KCNQ3: variants seen among roughly 807,000 people sequenced by gnomAD.
KCNQ3 encodes the protein potassium voltage-gated channel subfamily Q member 3, also known as potassium voltage-gated channel subfamily KQT member 3.
Under a neutral mutation model 92.5 loss-of-function variants are expected in KCNQ3, and 30 were observed. The ratio of observed to expected loss-of-function variants is 0.32; its 90% CI spans 0.24 to 0.44. The LOEUF (loss-of-function observed/expected upper bound fraction) is 0.44. KCNQ3 is among the 20% of genes least tolerant of loss of function. KCNQ3 has a pLI of 1.00. For missense variants in KCNQ3, 913 were observed against 1,140.3 expected (o/e 0.80, Z 2.87); for synonymous variants, 450 against 468.8 (o/e 0.96, Z 0.52).
chr8:132,367,382 A>G (rs1390575472), intron 1 of KCNQ3, among the ~76,000 whole-genome samples: 1 of 152,236 alleles, frequency 6.6e-6, no homozygotes, highest in African/African-American at 2.4e-5. Context: ...TAATAAATTA[A>G]GTCATTCACA....
intron 1 of KCNQ3, among the ~76,000 whole-genome samples, chr8:132,472,584 G>A (rs1822320474): frequency 6.6e-6 from 1 of 152,166 alleles, no homozygotes; most frequent in Non-Finnish European, 1.5e-5. Context: ...AGAATAAAAT[G>A]ATAGATACCA....
At chr8:132,159,193 C>T (rs1448766837) in intron 9 of KCNQ3, among the ~76,000 whole-genome samples, 2 of 152,296 alleles carry the variant, frequency 1.3e-5, no homozygotes, top group Non-Finnish European at 2.9e-5. Flanking sequence ...TAACTGTTCA[C>T]GTTCTTTAAT....
intron 1 of KCNQ3, among the ~76,000 whole-genome samples, chr8:132,208,845 C>G (rs1260284373): frequency 6.6e-6 from 1 of 152,128 alleles, no homozygotes; most frequent in Non-Finnish European, 1.5e-5. Flanking sequence ...CCATACCTGG[C>G]ACATAGGAGG....
At chr8:132,335,331 G>A (rs781426107) in intron 1 of KCNQ3, among the ~76,000 whole-genome samples, 26 of 152,070 alleles carry the variant, frequency 1.7e-4, no homozygotes, top group African/African-American at 3.4e-4. Flanking sequence ...GAGTCACCGC[G>A]CCCAGCCCAT....
intron 1 of KCNQ3, among the ~76,000 whole-genome samples, chr8:132,191,883 G>A (rs1009067402): frequency 6.6e-6 from 1 of 152,050 alleles, no homozygotes; most frequent in Non-Finnish European, 1.5e-5. Context: ...GGGTCTTGGG[G>A]TGGGAAGAAA....
At chr8:132,340,748 G>A (rs1563868422) in intron 1 of KCNQ3, among the ~76,000 whole-genome samples, 1 of 152,092 alleles carries the variant, frequency 6.6e-6, no homozygotes, top group African/African-American at 2.4e-5. Context: ...AACAAACCTG[G>A]ACGTTCTGCA....
intron 1 of KCNQ3, among the ~76,000 whole-genome samples, chr8:132,188,479 A>C (rs76983063): frequency 0.029 from 4,486 of 152,316 alleles, 87 homozygotes; most frequent in Non-Finnish European, 0.043. Flanking sequence ...GCGTGTTCTT[A>C]GACAAAATAC....
intron 1 of KCNQ3, among the ~76,000 whole-genome samples, chr8:132,454,526 C>T (rs187639655): frequency 2.6e-5 from 4 of 152,116 alleles, no homozygotes; most frequent in East Asian, 3.9e-4. Flanking sequence ...ATCTGTAAAA[C>T]GAGTACCTCC....
Position 132,182,292 on chromosome 8 carries a change from G to A in KCNQ3, c.604+1949C>T, listed in dbSNP as rs572131051. Reference sequence around the variant, plus strand: ...TGTAGTAAACACTATGGTCTAAGACGCTCCATGAGGCAGTTCTGACCCATC... The same window carrying A: ...TGTAGTAAACACTATGGTCTAAGACACTCCATGAGGCAGTTCTGACCCATC... On this transcript the variant is annotated intron_variant, in intron 3 of 14. Transcript: ENST00000388996. Among the ~76,000 whole-genome samples, 9 of 152,302 alleles carry A rather than the reference G, an allele frequency of 5.9e-5. No individual in the cohort carries two copies. In the South Asian group the frequency reaches 1.2e-3, roughly 21 times the overall value.
At chr8:132,173,752 A>G (rs983033684) in intron 6 of KCNQ3, among the ~76,000 whole-genome samples, 3 of 152,252 alleles carry the variant, frequency 2.0e-5, no homozygotes, top group African/African-American at 7.2e-5. Context: ...ACTCTATCAT[A>G]GGTCAAGGCT....
chr8:132,152,217 A>C (rs1041105541), intron 9 of KCNQ3, among the ~76,000 whole-genome samples: 1 of 152,198 alleles, frequency 6.6e-6, no homozygotes, highest in Non-Finnish European at 1.5e-5. Context: ...AAGAGCTAAA[A>C]TGTTCATGAA....
At chr8:132,138,122 A>G (rs1825166856) in intron 11 of KCNQ3, 106 bp from the exon 12 acceptor site, 4 of 1,343,408 alleles carry the variant, frequency 3.0e-6, no homozygotes, top group Non-Finnish European at 4.2e-6. Flanking sequence ...AACCAAAGAT[A>G]AAAGAGCTTG....
intron 1 of KCNQ3, among the ~76,000 whole-genome samples, chr8:132,221,013 G>A (rs955040812): frequency 6.6e-6 from 1 of 152,058 alleles, no homozygotes; most frequent in African/African-American, 2.4e-5. Context: ...TCCCCACCCT[G>A]TGTCCAAGTG....
chr8:132,480,479 C>T lies in KCNQ3; in HGVS notation c.54G>A (p.Gly18=). The change falls in exon 1 of 15, where the codon GGG becomes GGA. Residue 18 remains glycine, a synonymous_variant. Transcript: ENST00000388996. ...AAGAAGGGGD[G]GGGGGGAANP... is the part of the protein sequence containing the mutation. ...TAGCCGCCCCGCCGCCTCCGCCGCCCCCGTCGCCGCCGCCGCCAGCCGCCC... is the reference window on the plus strand; with the variant it reads ...TAGCCGCCCCGCCGCCTCCGCCGCCTCCGTCGCCGCCGCCGCCAGCCGCCC... 1 of 1,218,780 alleles carries T rather than the reference C, an allele frequency of 8.2e-7. No individual in the cohort carries two copies. The highest frequency in any genetic ancestry group is 1.0e-6 in the Non-Finnish European group (1 of 983,948). 75.5% of individuals were successfully genotyped at this position (1,218,780 alleles called of 1,614,324 possible).
chr8:132,302,905 G>T (rs1192983578), intron 1 of KCNQ3, among the ~76,000 whole-genome samples: 1 of 152,204 alleles, frequency 6.6e-6, no homozygotes, highest in Non-Finnish European at 1.5e-5. Context: ...TTTATAAGCT[G>T]CTCAGGAGAA....
At chr8:132,431,541 A>G (rs1041827380) in intron 1 of KCNQ3, among the ~76,000 whole-genome samples, 1 of 152,212 alleles carries the variant, frequency 6.6e-6, no homozygotes, top group African/African-American at 2.4e-5. Flanking sequence ...CCAGAAAGGC[A>G]GGGCCAGCCT....
At chr8:132,348,921 T>C (rs1464166653) in intron 1 of KCNQ3, among the ~76,000 whole-genome samples, 1 of 152,176 alleles carries the variant, frequency 6.6e-6, no homozygotes, top group African/African-American at 2.4e-5. Flanking sequence ...AGGAAACAGA[T>C]AGTCTCCCAC....
intron 1 of KCNQ3, among the ~76,000 whole-genome samples, chr8:132,300,918 G>A (rs1055731411): frequency 7.9e-5 from 12 of 152,086 alleles, no homozygotes; most frequent in African/African-American, 2.9e-4. Flanking sequence ...GCAATTACGA[G>A]GGTTCACTAG....
At chr8:132,151,915 T>C (rs1055970926) in intron 9 of KCNQ3, among the ~76,000 whole-genome samples, 1 of 152,346 alleles carries the variant, frequency 6.6e-6, no homozygotes, top group South Asian at 2.1e-4. Context: ...ATAACATCAA[T>C]ATATGTTCCA....
Sources: allele counts gnomAD v4.1 joint callset (sites outside exome capture counted in the v4.1 genomes callset), GRCh38; gene constraint gnomAD v4.1.1; transcripts MANE v1.5; gene names NCBI Gene and HGNC (gene_info 2026-07-23, HGNC 2026-07-21).